Variants in NPAS3 observed in about 807,000 individuals in gnomAD.
NPAS3 encodes neuronal PAS domain-containing protein 3.
NPAS3 carries 14 observed loss-of-function variants against 73.1 expected under a neutral mutation model. The observed-to-expected ratio is 0.19, with a 90% CI of 0.13 to 0.30. The LOEUF is 0.30. Among genes scored for constraint, NPAS3 ranks in the 10% least tolerant of loss-of-function variants. The pLI, the probability that NPAS3 is intolerant of heterozygous loss-of-function variation, is 1.00. For missense variants in NPAS3, 1,096 were observed against 1,250.0 expected (o/e 0.88, Z 1.86); for synonymous variants, 620 against 541.5 (o/e 1.14, Z -2.01).
rs538013137 is a variant in NPAS3 at position 33,780,141 on chromosome 14, A to G, written c.1153+1569A>G. On this transcript the variant is annotated intron_variant, in intron 9 of 11. Transcript: ENST00000356141. ...GAATCTGTATATACCACGTCTCTGG[A>G]AAGAGCCTGCCTGCAAGACAGCAGA... Among the ~76,000 whole-genome samples, 4 of 152,338 alleles carry G rather than the reference A, an allele frequency of 2.6e-5. No homozygotes were observed. The East Asian group carries it at 7.7e-4, about 29-fold the overall frequency.
At chr14:33,589,622 C>T (rs894244942) in intron 5 of NPAS3, among the ~76,000 whole-genome samples, 1 of 152,114 alleles carries the variant, frequency 6.6e-6, no homozygotes, top group African/African-American at 2.4e-5. Flanking sequence ...CACATCTCAT[C>T]GCTCCTTCCA....
chr14:33,426,875 T>G (rs900994324), intron 4 of NPAS3, among the ~76,000 whole-genome samples: 14 of 152,074 alleles, frequency 9.2e-5, no homozygotes, highest in African/African-American at 3.4e-4. Context: ...TGCAGTGAAT[T>G]GTGGCAAATT....
chr14:33,659,090 C>G (rs571811552), intron 5 of NPAS3, among the ~76,000 whole-genome samples: 1 of 152,298 alleles, frequency 6.6e-6, no homozygotes, highest in African/African-American at 2.4e-5. Flanking sequence ...AGAACATTTT[C>G]TATGCACCAA....
chr14:33,263,970 C>T (rs112663946), intron 3 of NPAS3, among the ~76,000 whole-genome samples: 1,998 of 152,240 alleles, frequency 0.013, 55 homozygotes, highest in African/African-American at 0.046. Context: ...GACACATGCA[C>T]ACATATGTTT....
intron 3 of NPAS3, among the ~76,000 whole-genome samples, chr14:33,224,371 C>T (rs531883309): frequency 3.9e-5 from 6 of 152,234 alleles, no homozygotes; most frequent in African/African-American, 1.4e-4. Context: ...TTTCTGGATA[C>T]TGTGCATAAG....
At chr14:33,707,966 G>A (rs1355526176) in intron 6 of NPAS3, among the ~76,000 whole-genome samples, 1 of 152,194 alleles carries the variant, frequency 6.6e-6, no homozygotes, top group Non-Finnish European at 1.5e-5. Context: ...TGTCCTAGAT[G>A]TGGGAACGTG....
At chr14:33,157,560 A>T (rs11627486) in intron 2 of NPAS3, among the ~76,000 whole-genome samples, 45,096 of 152,150 alleles carry the variant, frequency 0.3, 7,287 homozygotes, top group Middle Eastern at 0.49. Context: ...TAAATACAGA[A>T]TTCATTATTT....
At chr14:32,975,897 G>GAA (rs2037654231) in intron 1 of NPAS3, among the ~76,000 whole-genome samples, 1 of 108,346 alleles carries the variant, frequency 9.2e-6, no homozygotes, top group Non-Finnish European at 2.0e-5. Flanking sequence ...GTGTGTGTGT[G>GAA]AGAGAGAGAG....
At chr14:33,139,210 G>C (rs1012040060) in intron 2 of NPAS3, among the ~76,000 whole-genome samples, 1 of 152,140 alleles carries the variant, frequency 6.6e-6, no homozygotes, top group Non-Finnish European at 1.5e-5. Flanking sequence ...AGATAAAACT[G>C]AGCATCCAAC....
At chr14:32,960,444 A>G (rs1318849772) in intron 1 of NPAS3, among the ~76,000 whole-genome samples, 1 of 152,204 alleles carries the variant, frequency 6.6e-6, no homozygotes, top group Non-Finnish European at 1.5e-5. Context: ...TACCTCTTCC[A>G]GCGCTTAATG....
chr14:33,796,878 C>A (rs73260702), intron 10 of NPAS3, among the ~76,000 whole-genome samples: 91 of 152,252 alleles, frequency 6.0e-4, no homozygotes, highest in African/African-American at 2.1e-3. Flanking sequence ...GTACACCACA[C>A]GAGCAGATGA....
chr14:33,316,507 A>C (rs2043212931), intron 3 of NPAS3, among the ~76,000 whole-genome samples: 1 of 152,058 alleles, frequency 6.6e-6, no homozygotes, highest in Non-Finnish European at 1.5e-5. Flanking sequence ...ATTACTTCTA[A>C]GCCCTAAATA....
chr14:33,331,530 GTTGT>G, intron 3 of NPAS3, among the ~76,000 whole-genome samples: 1 of 151,940 alleles, frequency 6.6e-6, no homozygotes, highest in East Asian at 1.9e-4. Context: ...TTTTTTTCCT[GTTGT>G]TTATCTCCCC....
chr14:33,222,018 G>C (rs1223937337), intron 3 of NPAS3, among the ~76,000 whole-genome samples: 1 of 152,044 alleles, frequency 6.6e-6, no homozygotes, highest in Non-Finnish European at 1.5e-5. Flanking sequence ...TTAAGCTTAG[G>C]TTCGATGAAG....
At chr14:33,418,192 C>A (rs538315817) in intron 4 of NPAS3, among the ~76,000 whole-genome samples, 2 of 151,992 alleles carry the variant, frequency 1.3e-5, no homozygotes, top group South Asian at 4.1e-4. Context: ...CCCTACCTAA[C>A]CAGTAAAGTA....
At chr14:33,230,462 A>G (rs1321920064) in intron 3 of NPAS3, among the ~76,000 whole-genome samples, 3 of 152,226 alleles carry the variant, frequency 2.0e-5, no homozygotes, top group Admixed American at 2.0e-4. Flanking sequence ...TCAAACTTCT[A>G]CTAACAGCAG....
chr14:33,324,723 T>C (rs1462253129), intron 3 of NPAS3, among the ~76,000 whole-genome samples: 1 of 152,204 alleles, frequency 6.6e-6, no homozygotes, highest in East Asian at 1.9e-4. Flanking sequence ...GTAGTATATA[T>C]GGCTCTTTTG....
intron 4 of NPAS3, among the ~76,000 whole-genome samples, chr14:33,430,930 G>A (rs2048759091): frequency 6.6e-6 from 1 of 152,174 alleles, no homozygotes. Flanking sequence ...AGTCTGTCTG[G>A]CTGTTGGCAT....
chr14:33,376,834 G>A (rs2046335328), intron 4 of NPAS3, among the ~76,000 whole-genome samples: 1 of 152,142 alleles, frequency 6.6e-6, no homozygotes, highest in Admixed American at 6.5e-5. Flanking sequence ...TTCCTGGCTG[G>A]CAGATTGTGA....
Sources: gnomAD v4.1 joint callset for allele counts (sites outside exome capture counted in the v4.1 genomes callset) on GRCh38, gnomAD v4.1.1 for gene constraint, MANE v1.5 for transcripts, NCBI Gene and HGNC (gene_info 2026-07-23, HGNC 2026-07-21) for gene names.